The following RERE variants were observed in gnomAD, a reference collection of about 807,000 sequenced individuals.
The protein encoded by RERE is arginine-glutamic acid dipeptide repeats, also known as arginine-glutamic acid dipeptide repeats protein.
Under a neutral mutation model 146.1 loss-of-function variants are expected in RERE, and 40 were observed. The observed-to-expected ratio is 0.27, with a 90% CI of 0.21 to 0.36. RERE has a LOEUF of 0.36. Among genes scored for constraint, RERE ranks in the 10% least tolerant of loss-of-function variants. The pLI is 1.00. For missense variants in RERE, 1,933 were observed against 2,138.7 expected, an observed-to-expected ratio of 0.90 and a Z score of 1.90; for synonymous variants, 1,003 against 866.0, an observed-to-expected ratio of 1.16 and a Z score of -2.78.
In RERE at chr1:8,422,575, G is replaced by A; in HGVS notation, c.1284+152C>T. The A allele has an allele frequency of 6.8e-6, 4 of 587,802 alleles. 1 individual carries two copies. The South Asian group carries it at 8.4e-5, about 12-fold the overall frequency. 36.4% of individuals were successfully genotyped at this position (587,802 alleles called of 1,614,324 possible). On this transcript the variant is annotated intron_variant, in intron 12 of 22. Coordinates refer to ENST00000400908, the MANE Select transcript of RERE (RefSeq NM_001042681.2). ...TAAAAATTATGAACTCAAATTAAAA[G>A]TCAAGGGAGTAAAACGGAGAGAATT...
At chr1:8,516,230 A>G (rs1319724673) in intron 7 of RERE, among the ~76,000 whole-genome samples, 2 of 145,812 alleles carry the variant, frequency 1.4e-5, no homozygotes, top group Admixed American at 6.8e-5. Flanking sequence ...CTCAGAGGAA[A>G]AAAAAAAAAA....
chr1:8,358,522 T>C lies in RERE; in HGVS notation c.4013A>G (p.His1338Arg), dbSNP rs1457629185. ...EVKPPELDPL[H>R]PAANPMEHFA... ...GTGCTCCATGGGGTTGGCGGCTGGG[T>C]GCAGGGGGTCCAGCTCTGGGGGCTT... The change falls in exon 20 of 23, where the codon CAC becomes CGC. Residue 1338 changes from histidine to arginine, a missense_variant. Physicochemically the swap from His to Arg is conservative, Grantham distance 29. Around this residue, in one of 11 missense-constraint regions of RERE, gnomAD observed 1,255 missense variants for 1,153.8 expected, o/e 1.09. Transcript: ENST00000400908. 1.3e-6 allele frequency: 2 copies of C among 1,597,238 alleles called. No homozygotes were observed. Among genetic ancestry groups the C allele is most frequent in the Admixed American group, 1.7e-5 (1 of 58,440 alleles).
intron 7 of RERE, among the ~76,000 whole-genome samples, chr1:8,514,122 G>A (rs371745849): frequency 1.3e-5 from 2 of 152,206 alleles, no homozygotes; most frequent in African/African-American, 4.8e-5. Context: ...GTGAGTACAA[G>A]CTTTTCGAAA....
chr1:8,358,239 A>G lies in RERE; in HGVS notation c.4296T>C (p.Ile1432=), dbSNP rs1209520477. 1.9e-6 allele frequency: 3 copies of G among 1,608,060 alleles called. No individual in the cohort carries two copies. The change falls in exon 20 of 23, where the codon ATT becomes ATC. Residue 1432 remains isoleucine, a synonymous_variant. Transcript: ENST00000400908. The part of the protein sequence containing the change: ...VTPHHHQHSH[I]HSHLHLHQQD... ...GCTGGTGGAGGTGGAGGTGGGAGTG[A>G]ATGTGAGAGTGCTGGTGATGGTGCG...
chr1:8,669,346 C>T (rs542501982), intron 1 of RERE, among the ~76,000 whole-genome samples: 6 of 152,250 alleles, frequency 3.9e-5, no homozygotes, highest in African/African-American at 7.2e-5. Flanking sequence ...GCAATCCGCC[C>T]GCCTTGGCCT....
In RERE at chr1:8,521,176, C is replaced by CAAAAAAAA. The variant is rs36115526; in HGVS notation, c.831-12509_831-12502dup. Among the ~76,000 whole-genome samples, 298 of 109,928 alleles carry CAAAAAAAA rather than the reference C, an allele frequency of 2.7e-3. 4 individuals are homozygous for CAAAAAAAA. Among genetic ancestry groups the CAAAAAAAA allele is most frequent in the African/African-American group, 0.01 (283 of 28,156 alleles). The allele number at this position is 109,928 out of a possible 152,430, so 72.1% of individuals were successfully genotyped here. On this transcript the variant is annotated intron_variant, in intron 7 of 22. Transcript: ENST00000400908. Reference sequence around the variant, plus strand: ...TTATGGAAGTAGAGCTTCTTTTTTTCAAAAAAAAAAAAAAAAAGAACTCCA... The same window carrying CAAAAAAAA: ...TTATGGAAGTAGAGCTTCTTTTTTTCAAAAAAAAAAAAAAAAAAAAAAAAAGAACTCCA...
intron 3 of RERE, among the ~76,000 whole-genome samples, chr1:8,623,750 A>G (rs1396165067): frequency 6.6e-6 from 1 of 152,212 alleles, no homozygotes; most frequent in Non-Finnish European, 1.5e-5. Flanking sequence ...AAAGTACAGT[A>G]GCTATGTCCT....
intron 12 of RERE, among the ~76,000 whole-genome samples, chr1:8,400,219 C>T (rs1557610994): frequency 1.4e-5 from 2 of 140,572 alleles, no homozygotes; most frequent in Admixed American, 7.0e-5. Context: ...ATTCCTGTGT[C>T]ATATGTGTGT....
chr1:8,605,744 C>CAAA (rs1646696134), intron 4 of RERE, among the ~76,000 whole-genome samples: 1 of 13,426 alleles, frequency 7.4e-5, no homozygotes, highest in Non-Finnish European at 1.6e-4. Flanking sequence ...GACCCCATCT[C>CAAA]CAAAAAAAAA....
chr1:8,700,133 C>G (rs903452712), intron 1 of RERE, among the ~76,000 whole-genome samples: 1 of 151,982 alleles, frequency 6.6e-6, no homozygotes, highest in Non-Finnish European at 1.5e-5. Context: ...AGTGAAACCC[C>G]ATCTCTACTA....
At position 8,776,588 on chromosome 1, in the gene RERE, C is replaced by T. The variant is rs1457700697; in HGVS notation, c.-145+40572G>A. On this transcript the variant is annotated intron_variant, in intron 1 of 22. Transcript: ENST00000400908. Reference sequence around the variant, plus strand: ...GCAGGACTACAGGTATGAGCCACGGCACCTAGCCCCAAAATATTGTTTCAT... The same window carrying T: ...GCAGGACTACAGGTATGAGCCACGGTACCTAGCCCCAAAATATTGTTTCAT... Among the ~76,000 whole-genome samples, 3 of 152,166 alleles carry T rather than the reference C, an allele frequency of 2.0e-5. No individual in the cohort carries two copies. In the South Asian group the frequency reaches 6.2e-4, roughly 32 times the overall value.
In RERE at chr1:8,356,003, C is replaced by CA; in HGVS notation, c.4486+96dup. The stretch of plus-strand genomic sequence containing the variant: ...GGGGAGCGAACCCACCTGCTCAATG[C>CA]ATGAATGAATGAATGAGTAATGAAT... On this transcript the variant is annotated intron_variant, in intron 21 of 22. Coordinates refer to ENST00000400908, the MANE Select transcript of RERE (RefSeq NM_001042681.2). The surrounding 1 kb of genome is among the most constrained non-coding windows in gnomAD (Gnocchi z 5.2). 1 of 1,320,850 alleles carries CA rather than the reference C, an allele frequency of 7.6e-7. No individual in the cohort carries two copies. Among genetic ancestry groups the CA allele is most frequent in the Non-Finnish European group, 1.0e-6 (1 of 990,134 alleles). 81.8% of individuals were successfully genotyped at this position (1,320,850 alleles called of 1,614,324 possible).
chr1:8,749,090 T>A (rs1640479345), intron 1 of RERE, among the ~76,000 whole-genome samples: 1 of 152,184 alleles, frequency 6.6e-6, no homozygotes, highest in Non-Finnish European at 1.5e-5. Context: ...ATGAAGTGGG[T>A]ATAATTATTA....
At chr1:8,412,724 A>G (rs1047878091) in intron 12 of RERE, among the ~76,000 whole-genome samples, 2 of 152,262 alleles carry the variant, frequency 1.3e-5, no homozygotes, top group African/African-American at 4.8e-5. Context: ...TTTACTGCGC[A>G]CAATAAACAG....
rs569966953 is a variant in RERE, at chr1:8,617,934, C to T, written c.397-3248G>A. On this transcript the variant is annotated intron_variant, in intron 3 of 22. Transcript: ENST00000400908. ...ATTTCTATACATTACACACTGCAGGCTAACCAAAGGTAATTGAGTAGACTT... is the reference window on the plus strand; with the variant it reads ...ATTTCTATACATTACACACTGCAGGTTAACCAAAGGTAATTGAGTAGACTT... Among the ~76,000 whole-genome samples the T allele has an allele frequency of 3.3e-5, 5 of 152,258 alleles. No individual in the cohort carries two copies. In the South Asian group the frequency reaches 1.0e-3, roughly 32 times the overall value.
At chr1:8,417,629 G>A (rs1643813116) in intron 12 of RERE, among the ~76,000 whole-genome samples, 2 of 151,996 alleles carry the variant, frequency 1.3e-5, no homozygotes, top group African/African-American at 4.8e-5. Context: ...ATTATAAGAA[G>A]AGCCTCCTCT....
At chr1:8,381,536 C>G (rs1255673727) in intron 12 of RERE, among the ~76,000 whole-genome samples, 1 of 152,156 alleles carries the variant, frequency 6.6e-6, no homozygotes, top group Admixed American at 6.5e-5. Flanking sequence ...TTGAGCTAAA[C>G]ACACATAGGT....
chr1:8,564,921 C>G (rs1382861457), intron 4 of RERE, among the ~76,000 whole-genome samples: 1 of 150,020 alleles, frequency 6.7e-6, no homozygotes, highest in Non-Finnish European at 1.5e-5. Context: ...AGACTCCTGT[C>G]ATCTGCAACA....
At position 8,642,654 on chromosome 1, in the gene RERE, A is replaced by C. The variant is rs796107011; in HGVS notation, c.325+13319T>G. ...CCCTTAAAAGTGATTAAAATGTTTA[A>C]TTTATAAATGAGATTTATAAGCTGA... On this transcript the variant is annotated intron_variant, in intron 2 of 22. Coordinates refer to ENST00000400908, the MANE Select transcript of RERE (RefSeq NM_001042681.2). 5.9e-5 allele frequency among the ~76,000 whole-genome samples: 9 copies of C among 152,366 alleles called. 1 individual carries two copies. The highest frequency in any genetic ancestry group is 1.9e-4 in the African/African-American group (8 of 41,596).
Sources: gnomAD v4.1 joint callset for allele counts (sites outside exome capture counted in the v4.1 genomes callset) on GRCh38, gnomAD v4.1.1 for gene constraint, gnomAD v4.1.1 regional missense constraint, Gnocchi (gnomAD v3.1) non-coding constraint, MANE v1.5 for transcripts, NCBI Gene and HGNC (gene_info 2026-07-23, HGNC 2026-07-21) for gene names.